CCDC148: variants seen among roughly 807,000 people sequenced by gnomAD.
CCDC148 encodes the protein coiled-coil domain containing 148.
Under a neutral mutation model 85.7 loss-of-function variants are expected in CCDC148, and 89 were observed. The observed-to-expected ratio is 1.04, with a 90% CI of 0.87 to 1.24. The LOEUF is 1.24. Ranked by LOEUF, CCDC148 falls within the 50% of genes most tolerant of loss-of-function variation. The pLI is 0.00. For missense variants in CCDC148, 692 were observed against 671.7 expected (o/e 1.03, Z -0.33); for synonymous variants, 230 against 213.9 (o/e 1.08, Z -0.66).
intron 7 of CCDC148, among the ~76,000 whole-genome samples, chr2:158,329,057 G>A (rs1251118999): frequency 3.3e-5 from 5 of 152,246 alleles, no homozygotes; most frequent in African/African-American, 1.2e-4. Flanking sequence ...TGTTGCCATT[G>A]CTTTTGGTGT....
rs1559124447 is a variant in CCDC148 at position 158,406,613 on chromosome 2, C to CTTTTTTTTTCTGTTTTTTTTTTTTG, written c.26-48044_26-48043insCAAAAAAAAAAAACAGAAAAAAAAA. On this transcript the variant is annotated intron_variant, in intron 1 of 13. Coordinates refer to ENST00000283233, the MANE Select transcript of CCDC148 (RefSeq NM_138803.4). ...ACAGCCAGTTAAACAGATTAAATTT[C>CTTTTTTTTTCTGTTTTTTTTTTTTG]TTTTTTTTTTTTTTTTTTTTTTTTT... 1.4e-3 allele frequency among the ~76,000 whole-genome samples: 45 copies of CTTTTTTTTTCTGTTTTTTTTTTTTG among 31,462 alleles called. 3 individuals are homozygous for CTTTTTTTTTCTGTTTTTTTTTTTTG. Among genetic ancestry groups the CTTTTTTTTTCTGTTTTTTTTTTTTG allele is most frequent in the Middle Eastern group, 0.026 (2 of 76 alleles). The allele number at this position is 31,462 out of a possible 152,430, so 20.6% of individuals were successfully genotyped here. A position where few individuals can be genotyped will look rare whatever the true frequency, so the allele number is the denominator to read the frequency against.
chr2:158,435,687 G>C (rs1687613831), intron 1 of CCDC148, among the ~76,000 whole-genome samples: 1 of 152,032 alleles, frequency 6.6e-6, no homozygotes, highest in Non-Finnish European at 1.5e-5. Context: ...CTGGCAAATT[G>C]GATAAAGAGT....
chr2:158,388,470 G>A (rs1685179512), intron 1 of CCDC148, among the ~76,000 whole-genome samples: 1 of 151,958 alleles, frequency 6.6e-6, no homozygotes. Context: ...TTGTGTTTAT[G>A]TTTTTCTATC....
At chr2:158,413,028 A>G (rs1262143178) in intron 1 of CCDC148, among the ~76,000 whole-genome samples, 1 of 152,048 alleles carries the variant, frequency 6.6e-6, no homozygotes, top group Admixed American at 6.5e-5. Context: ...TTTGTAATTC[A>G]CATGTAGCCA....
intron 7 of CCDC148, among the ~76,000 whole-genome samples, chr2:158,333,036 G>A (rs1022940566): frequency 6.6e-6 from 1 of 151,940 alleles, no homozygotes; most frequent in Non-Finnish European, 1.5e-5. Context: ...ATCTCTTTCA[G>A]TTCTGCTCTG....
At chr2:158,208,713 A>G (rs1476472647) in intron 11 of CCDC148, among the ~76,000 whole-genome samples, 1 of 152,204 alleles carries the variant, frequency 6.6e-6, no homozygotes, top group Non-Finnish European at 1.5e-5. Flanking sequence ...CTATCTTCCC[A>G]GACTTCATTA....
intron 1 of CCDC148, among the ~76,000 whole-genome samples, chr2:158,408,244 C>A (rs1459161860): frequency 6.6e-6 from 1 of 152,070 alleles, no homozygotes; most frequent in African/African-American, 2.4e-5. Flanking sequence ...GTGGTGAGAA[C>A]ACTTAATATA....
At chr2:158,392,420 A>C (rs1459043258) in intron 1 of CCDC148, among the ~76,000 whole-genome samples, 1 of 152,090 alleles carries the variant, frequency 6.6e-6, no homozygotes, top group Non-Finnish European at 1.5e-5. Flanking sequence ...AAATCCCAAA[A>C]TCCAAAATGC....
intron 11 of CCDC148, among the ~76,000 whole-genome samples, chr2:158,204,994 G>T (rs1384755044): frequency 6.6e-6 from 1 of 152,118 alleles, no homozygotes; most frequent in African/African-American, 2.4e-5. Context: ...GAGCTAAGCG[G>T]AGTCCAGCCA....
chr2:158,348,583 T>C (rs1171542959), intron 2 of CCDC148, among the ~76,000 whole-genome samples: 2 of 152,036 alleles, frequency 1.3e-5, no homozygotes, highest in African/African-American at 4.8e-5. Context: ...GGTAATAGTA[T>C]TGTAGGCTTT....
intron 1 of CCDC148, among the ~76,000 whole-genome samples, chr2:158,426,812 T>G (rs1453775358): frequency 6.6e-6 from 1 of 152,200 alleles, no homozygotes; most frequent in Non-Finnish European, 1.5e-5. Flanking sequence ...GTTACAATGC[T>G]CTTGTCCGTT....
intron 1 of CCDC148, among the ~76,000 whole-genome samples, chr2:158,442,730 G>T (rs556566855): frequency 1.3e-5 from 2 of 152,342 alleles, no homozygotes; most frequent in African/African-American, 4.8e-5. Flanking sequence ...AGCCTGCGCT[G>T]AAGTCACTAC....
chr2:158,305,675 G>T (rs141427410), intron 9 of CCDC148, among the ~76,000 whole-genome samples: 3 of 150,182 alleles, frequency 2.0e-5, no homozygotes, highest in African/African-American at 7.4e-5. Context: ...GATCACTTGA[G>T]CCTGGGACAT....
intron 1 of CCDC148, among the ~76,000 whole-genome samples, chr2:158,383,020 C>G (rs1361597561): frequency 6.6e-6 from 1 of 151,962 alleles, no homozygotes; most frequent in African/African-American, 2.4e-5. Context: ...ATGACATAGG[C>G]TGGGTGCAGT....
chr2:158,398,384 A>G (rs1055090847), intron 1 of CCDC148, among the ~76,000 whole-genome samples: 1 of 152,044 alleles, frequency 6.6e-6, no homozygotes, highest in Non-Finnish European at 1.5e-5. Context: ...GAAGTAAAAC[A>G]CTCCTCAGCA....
chr2:158,231,858 TC>T (rs934154299), intron 10 of CCDC148, among the ~76,000 whole-genome samples: 1 of 152,098 alleles, frequency 6.6e-6, no homozygotes, highest in Non-Finnish European at 1.5e-5. Flanking sequence ...ACTAAGTACC[TC>T]CCTAAGGACA....
chr2:158,382,796 C>T (rs1423792444), intron 1 of CCDC148, among the ~76,000 whole-genome samples: 1 of 151,104 alleles, frequency 6.6e-6, no homozygotes, highest in African/African-American at 2.4e-5. Context: ...TGGCAGACGC[C>T]TGTAATCCCA....
At chr2:158,272,609 G>T (rs1689746752) in intron 9 of CCDC148, among the ~76,000 whole-genome samples, 1 of 152,200 alleles carries the variant, frequency 6.6e-6, no homozygotes, top group African/African-American at 2.4e-5. Flanking sequence ...GCCCCTGAGA[G>T]TAGGATGCAC....
At chr2:158,276,149 G>T (rs1003536489) in intron 9 of CCDC148, among the ~76,000 whole-genome samples, 1 of 152,092 alleles carries the variant, frequency 6.6e-6, no homozygotes, top group African/African-American at 2.4e-5. Flanking sequence ...ATTAAAAACC[G>T]CCTTGCCTCA....
Sources: gnomAD v4.1 joint callset for allele counts (sites outside exome capture counted in the v4.1 genomes callset) on GRCh38, gnomAD v4.1.1 for gene constraint, MANE v1.5 for transcripts, NCBI Gene and HGNC (gene_info 2026-07-23, HGNC 2026-07-21) for gene names.